Variants in ADCY2 observed in about 807,000 individuals in gnomAD.
ADCY2 encodes adenylate cyclase 2.
ADCY2 carries 31 observed loss-of-function variants against 125.2 expected under a neutral mutation model. The observed-to-expected ratio is 0.25, with a 90% CI of 0.19 to 0.33. The LOEUF is 0.33. ADCY2 is among the 10% of genes least tolerant of loss of function. ADCY2 has a pLI of 1.00. For synonymous variants in ADCY2, 512 were observed against 548.4 expected (o/e 0.93, Z 0.93); for missense variants, 904 against 1,418.2 (o/e 0.64, Z 5.82).
intron 4 of ADCY2, among the ~76,000 whole-genome samples, chr5:7,630,506 C>T (rs1046395247): frequency 6.6e-6 from 1 of 152,174 alleles, no homozygotes; most frequent in Admixed American, 6.5e-5. Context: ...CCTATTGCTG[C>T]TGTAACAAAT....
At chr5:7,566,326 A>C (rs1735891755) in intron 3 of ADCY2, among the ~76,000 whole-genome samples, 2 of 152,100 alleles carry the variant, frequency 1.3e-5, no homozygotes, top group Non-Finnish European at 2.9e-5. Context: ...TCTCTACAAA[A>C]ATTAAAAAAA....
At chr5:7,698,840 A>G (rs1017531428) in intron 7 of ADCY2, among the ~76,000 whole-genome samples, 6 of 152,210 alleles carry the variant, frequency 3.9e-5, no homozygotes, top group African/African-American at 1.2e-4. Context: ...CAGTCCTGCA[A>G]TAAACATACG....
intron 3 of ADCY2, among the ~76,000 whole-genome samples, chr5:7,568,820 C>T (rs867793010): frequency 6.6e-6 from 1 of 152,110 alleles, no homozygotes; most frequent in African/African-American, 2.4e-5. Flanking sequence ...TTTGTAGCCG[C>T]GTAGCTTTCC....
At position 7,819,916 on chromosome 5, in the gene ADCY2, C is replaced by T. The variant is rs541903694; in HGVS notation, c.2999-649C>T. ...ATAATCAGTCCAGGCTCTTCCCCAC[C>T]CCCAGAGCTGCTGACCAAGCAGGGA... On this transcript the variant is annotated intron_variant, in intron 23 of 24. Transcript: ENST00000338316. Among the ~76,000 whole-genome samples the T allele has an allele frequency of 4.1e-4, 62 of 152,264 alleles. 2 individuals are homozygous for T. The South Asian group carries it at 0.013, about 31-fold the overall frequency.
At chr5:7,750,202 T>C (rs1381137269) in intron 15 of ADCY2, among the ~76,000 whole-genome samples, 1 of 152,154 alleles carries the variant, frequency 6.6e-6, no homozygotes, top group African/African-American at 2.4e-5. Flanking sequence ...TCTGCCTTCT[T>C]TTGGACTCCT....
rs1288149314 is a variant in ADCY2 at position 7,757,599 on chromosome 5, G to T, written c.2094+13G>T. ...CGTGTTCAACATGGTAAGTCCCAGA[G>T]CACGGCCGTGTTCAACATGGTAAGC... On this transcript the variant is annotated intron_variant, in intron 16 of 24. Transcript: ENST00000338316. 6.4e-7 allele frequency: 1 copy of T among 1,554,272 alleles called. No individual in the cohort carries two copies. The highest frequency in any genetic ancestry group is 8.8e-7 in the Non-Finnish European group (1 of 1,138,652).
chr5:7,774,951 G>T (rs766555400), intron 18 of ADCY2, among the ~76,000 whole-genome samples: 10 of 152,106 alleles, frequency 6.6e-5, no homozygotes, highest in Non-Finnish European at 1.3e-4. Context: ...GGAGAATGGG[G>T]TATCCATCCC....
At chr5:7,734,065 A>G (rs916290704) in intron 14 of ADCY2, among the ~76,000 whole-genome samples, 3 of 152,136 alleles carry the variant, frequency 2.0e-5, no homozygotes, top group Non-Finnish European at 2.9e-5. Context: ...TTTTTATTTC[A>G]TGCTAACTTA....
chr5:7,504,852 T>G (rs1743745783), intron 2 of ADCY2, among the ~76,000 whole-genome samples: 1 of 151,832 alleles, frequency 6.6e-6, no homozygotes. Flanking sequence ...TAAAGTATAC[T>G]ACTGCATTCA....
intron 16 of ADCY2, among the ~76,000 whole-genome samples, chr5:7,763,055 G>GT (rs1163504725): frequency 4.7e-5 from 5 of 105,546 alleles, no homozygotes; most frequent in Admixed American, 2.7e-4. Context: ...TGTTTTTTTT[G>GT]TTTGTTTGTT....
intron 2 of ADCY2, among the ~76,000 whole-genome samples, chr5:7,460,142 T>C (rs1741865542): frequency 6.6e-6 from 1 of 152,208 alleles, no homozygotes; most frequent in African/African-American, 2.4e-5. Context: ...AATCCTATTA[T>C]ATCTGCTGGA....
intron 4 of ADCY2, among the ~76,000 whole-genome samples, chr5:7,683,766 G>C (rs1165090142): frequency 1.3e-5 from 2 of 152,174 alleles, no homozygotes; most frequent in Admixed American, 6.5e-5. Context: ...CTGTAGCATA[G>C]AGTTGCTCTG....
intron 4 of ADCY2, among the ~76,000 whole-genome samples, chr5:7,638,728 C>T (rs1017347697): frequency 2.0e-5 from 3 of 152,116 alleles, no homozygotes; most frequent in South Asian, 2.1e-4. Context: ...TTCCTAGGGT[C>T]GTCATCTTCC....
intron 12 of ADCY2, among the ~76,000 whole-genome samples, chr5:7,718,045 G>GA (rs1741649916): frequency 6.6e-6 from 1 of 151,754 alleles, no homozygotes; most frequent in Non-Finnish European, 1.5e-5. Flanking sequence ...GCTGACTCTT[G>GA]AAAAGTGTAA....
At chr5:7,775,173 CTT>C (rs1491301953) in intron 18 of ADCY2, among the ~76,000 whole-genome samples, 1 of 89,398 alleles carries the variant, frequency 1.1e-5, no homozygotes, top group Non-Finnish European at 2.4e-5. Context: ...TGCCCAGCTA[CTT>C]TGTGTGTGTG....
intron 1 of ADCY2, among the ~76,000 whole-genome samples, chr5:7,404,509 C>A (rs1011243188): frequency 5.9e-5 from 9 of 152,188 alleles, no homozygotes; most frequent in African/African-American, 2.2e-4. Context: ...CTCAGGGTTT[C>A]AGGATGAAGG....
intron 3 of ADCY2, among the ~76,000 whole-genome samples, chr5:7,539,192 T>G (rs1364516453): frequency 1.3e-5 from 2 of 152,136 alleles, no homozygotes; most frequent in Admixed American, 6.5e-5. Flanking sequence ...CCACATTGTA[T>G]TTTTACAAAT....
intron 14 of ADCY2, among the ~76,000 whole-genome samples, chr5:7,729,869 A>T (rs923147460): frequency 6.7e-6 from 1 of 149,548 alleles, no homozygotes; most frequent in Non-Finnish European, 1.5e-5. Flanking sequence ...TTATATATTT[A>T]CATGTTTTTA....
At chr5:7,467,435 G>A (rs557892031) in intron 2 of ADCY2, among the ~76,000 whole-genome samples, 25 of 152,298 alleles carry the variant, frequency 1.6e-4, no homozygotes, top group Non-Finnish European at 1.8e-4. Flanking sequence ...ATTGACCGCC[G>A]TGGAGAAGGG....
Sources: gnomAD v4.1 joint callset for allele counts (sites outside exome capture counted in the v4.1 genomes callset) on GRCh38, gnomAD v4.1.1 for gene constraint, MANE v1.5 for transcripts, NCBI Gene and HGNC (gene_info 2026-07-23, HGNC 2026-07-21) for gene names.